Variants in INSRR observed in about 807,000 individuals in gnomAD.
INSRR encodes the protein insulin receptor related receptor.
Under a neutral mutation model 130.0 loss-of-function variants are expected in INSRR, and 114 were observed. The ratio of observed to expected loss-of-function variants is 0.88; its 90% confidence interval spans 0.75 to 1.02. The LOEUF is 1.02. Ranked by LOEUF, INSRR falls within the 50% of genes least tolerant of loss-of-function variation. The probability of loss-of-function intolerance (pLI) is 0.00; values close to 1 mark genes in which losing one functional copy is unlikely to be tolerated. For synonymous variants in INSRR, 674 were observed against 705.2 expected (o/e 0.96, Z 0.70); for missense variants, 1,657 against 1,735.2 (o/e 0.95, Z 0.80).
chr1:156,843,498 G>A lies in INSRR; in HGVS notation c.2844-19C>T, dbSNP rs777063020. 6.2e-7 allele frequency: 1 copy of A among 1,613,844 alleles called. No homozygotes were observed. The highest frequency in any genetic ancestry group is 1.1e-5 in the South Asian group (1 of 91,076). On this transcript the variant is annotated intron_variant, in intron 15 of 21. Transcript: ENST00000368195. Reference sequence around the variant, plus strand: ...TCTGTTTCTGCAACGGGAGGTGAGGGGGTCAGGCTGGAAGGGTTCTCAGGA... The same window carrying A: ...TCTGTTTCTGCAACGGGAGGTGAGGAGGTCAGGCTGGAAGGGTTCTCAGGA...
chr1:156,853,086 T>C (rs1187931108), intron 2 of INSRR, among the ~76,000 whole-genome samples: 1 of 152,170 alleles, frequency 6.6e-6, no homozygotes, highest in Admixed American at 6.5e-5. Flanking sequence ...CTTTCTCTAC[T>C]GCTTTTTTCC....
rs2102869987 is a variant in INSRR, at chr1:156,854,036, A to G, written c.353T>C (p.Phe118Ser). ...CACGTCACGCAGATGTGGCATCTCA[A>G]AGATGACCAGTGCATAGCCCAGGAA... ...RLFLGYALVI[F>S]EMPHLRDVAL... Residue 118 changes from phenylalanine (F) to serine (S), a missense_variant, in exon 2 of 22, where the codon TTT (phenylalanine) becomes TCT (serine). Phe to Ser is a radical substitution (Grantham distance 155). Transcript: ENST00000368195. The surrounding 1 kb of genome is among the most constrained non-coding windows in gnomAD (Gnocchi z 4.2). 1 of 1,614,102 alleles carries G rather than the reference A, an allele frequency of 6.2e-7. No homozygotes were observed. The highest frequency in any genetic ancestry group is 8.5e-7 in the Non-Finnish European group (1 of 1,180,016).
In INSRR at chr1:156,858,713, G is replaced by C. The variant is rs1655500787; in HGVS notation, c.-92C>G. The C allele has an allele frequency of 9.3e-7, 1 of 1,074,230 alleles. No homozygotes were observed. Among genetic ancestry groups the C allele is most frequent in the Non-Finnish European group, 1.4e-6 (1 of 693,936 alleles). 66.5% of individuals were successfully genotyped at this position (1,074,230 alleles called of 1,614,324 possible). On this transcript the variant is annotated 5_prime_UTR_variant, in exon 1 of 22. Transcript: ENST00000368195. ...TAAGCCCTAAGGGACACAGAGACCA[G>C]GGTTCAGATAGGAGAGGGAGGGCAG...
rs964356412 is a variant in INSRR, at chr1:156,841,650, C to T, written c.3527+15G>A. 6.2e-7 allele frequency: 1 copy of T among 1,612,934 alleles called. No individual in the cohort carries two copies. The highest frequency in any genetic ancestry group is 1.1e-5 in the South Asian group (1 of 91,038). On this transcript the variant is annotated intron_variant, in intron 20 of 21. Transcript: ENST00000368195. ...CTCCACATCCCTGGAGCCCTGTGCT[C>T]CAGCTCGGCCCCACCAGACATCCGA...
In INSRR at chr1:156,840,848, G is replaced by A. The variant is rs770498555; in HGVS notation, c.*25C>T. 1.3e-6 allele frequency: 2 copies of A among 1,565,124 alleles called. No individual in the cohort carries two copies. Among genetic ancestry groups the A allele is most frequent in the Non-Finnish European group, 8.8e-7 (1 of 1,139,038 alleles). On this transcript the variant is annotated 3_prime_UTR_variant, in exon 22 of 22. Coordinates refer to ENST00000368195, the MANE Select transcript of INSRR (RefSeq NM_014215.3). ...GGTCCCTTCCTGTCTCCCCATGGGA[G>A]GCCAGCCAGGGAATGAGGTGCCCCT... is the stretch of plus-strand genomic sequence containing the variant.
In INSRR at chr1:156,851,702, T is replaced by C. The variant is rs759782884; in HGVS notation, c.1028A>G (p.Asp343Gly). 6.2e-7 allele frequency: 1 copy of C among 1,614,172 alleles called. No homozygotes were observed. Among genetic ancestry groups the C allele is most frequent in the Non-Finnish European group, 8.5e-7 (1 of 1,180,000 alleles). Residue 343 changes from aspartate (D) to glycine (G), a missense_variant, in exon 4 of 22, where the codon GAT (aspartate) becomes GGT (glycine). Physicochemically the swap from Asp to Gly is moderately conservative, Grantham distance 94 (BLOSUM62 -1). Coordinates refer to ENST00000368195, the MANE Select transcript of INSRR (RefSeq NM_014215.3). ...KTIDSIQAAQ[D>G]LVGCTHVEGS... is the part of the protein sequence containing the mutation. ...CTCCACATGCGTGCAGCCCACAAGA[T>C]CCTGTGCCGCCTGGATGGAGTCGAT...
At position 156,845,846 on chromosome 1, in the gene INSRR, C is replaced by A. The variant is rs781637895; in HGVS notation, c.1979-32G>T. 11 of 1,596,216 alleles carry A rather than the reference C, an allele frequency of 6.9e-6. No homozygotes were observed. The Admixed American group carries it at 1.9e-4, about 28-fold the overall frequency. On this transcript the variant is annotated intron_variant, in intron 9 of 21. Transcript: ENST00000368195. ...CCGCAGCGGGAAGACACTAGTAAGA[C>A]AGGCGGTCTACCCGCCTCTGATCCC...
chr1:156,854,689 T>C lies in INSRR; in HGVS notation c.86-386A>G, dbSNP rs1655347538. On this transcript the variant is annotated intron_variant, in intron 1 of 21. Transcript: ENST00000368195. This position sits in a 1 kb window ranked among gnomAD's most constrained non-coding sequence, Gnocchi z 4.2. Reference sequence around the variant, plus strand: ...GTCCTGTGGGTTTATCTTTAAAATATGTCCAGGATCTGAACTGCTTGTCAA... The same window carrying C: ...GTCCTGTGGGTTTATCTTTAAAATACGTCCAGGATCTGAACTGCTTGTCAA... 6.6e-6 allele frequency among the ~76,000 whole-genome samples: 1 copy of C among 152,202 alleles called. No individual in the cohort carries two copies. Among genetic ancestry groups the C allele is most frequent in the African/African-American group, 2.4e-5 (1 of 41,448 alleles).
At chr1:156,851,514 C>G in intron 4 of INSRR, 80 bp from the exon 5 acceptor site, 1 of 1,602,682 alleles carries the variant, frequency 6.2e-7, no homozygotes, top group South Asian at 1.1e-5. Context: ...ATGGGGGCCC[C>G]GGGAAGGTGG....
chr1:156,841,827 G>C, intron 19 of INSRR, 33 bp from the exon 20 acceptor site: 3 of 1,614,030 alleles, frequency 1.9e-6, no homozygotes, highest in Non-Finnish European at 2.5e-6. Context: ...GAGGAGGTGT[G>C]GGGCATAAGA....
chr1:156,850,444 G>A (rs908017939), intron 5 of INSRR, among the ~76,000 whole-genome samples: 2 of 147,870 alleles, frequency 1.4e-5, no homozygotes, highest in African/African-American at 2.5e-5. Context: ...ACTCCTGACC[G>A]CATGGTGATC....
intron 2 of INSRR, among the ~76,000 whole-genome samples, chr1:156,852,969 T>C (rs1365282198): frequency 6.6e-6 from 1 of 152,042 alleles, no homozygotes; most frequent in Non-Finnish European, 1.5e-5. Context: ...GACCACCAGG[T>C]TGGGGGACCC....
intron 1 of INSRR, among the ~76,000 whole-genome samples, chr1:156,857,521 C>T (rs1655452558): frequency 6.6e-6 from 1 of 152,200 alleles, no homozygotes; most frequent in South Asian, 2.1e-4. Context: ...GGATGTGCTC[C>T]TGTCCTGACA....
intron 2 of INSRR, 36 bp from the exon 3 acceptor site, chr1:156,852,227 C>A: frequency 6.5e-7 from 1 of 1,540,114 alleles, no homozygotes; most frequent in Non-Finnish European, 8.8e-7. Context: ...GTTGGCCATG[C>A]CCCCTCAGTC....
chr1:156,852,146 C>T lies in INSRR; in HGVS notation c.683G>A (p.Cys228Tyr). The change falls in exon 3 of 22, where the codon TGC (cysteine) becomes TAC (tyrosine). Residue 228 changes from cysteine (C) to tyrosine (Y), a missense_variant. By Grantham distance (194) the Cys-to-Tyr change is radical. Coordinates refer to ENST00000368195, the MANE Select transcript of INSRR (RefSeq NM_014215.3). ...GCCCCCCAGGCATTCGGTGTGGCAG[C>T]ACTCGCCCCTCGCTGTGCAAGCCAT... ...HGMACTARGE[C>Y]CHTECLGGCS... 1 of 1,611,548 alleles carries T rather than the reference C, an allele frequency of 6.2e-7. No homozygotes were observed.
chr1:156,844,344 TTC>T (rs2102856419), intron 14 of INSRR, 64 bp from the exon 15 acceptor site: 1 of 1,561,566 alleles, frequency 6.4e-7, no homozygotes, highest in Admixed American at 1.7e-5. Context: ...AAGGTCATGC[TTC>T]TCTTTCCATG....
At position 156,840,427 on chromosome 1, in the gene INSRR, G is replaced by GGCCCCCC; in HGVS notation, c.*445_*446insGGGGGGC. On this transcript the variant is annotated 3_prime_UTR_variant, in exon 22 of 22. Coordinates refer to ENST00000368195, the MANE Select transcript of INSRR (RefSeq NM_014215.3). ...CAGTGGCAAGCAAGGCAGTCATGTG[G>GGCCCCCC]AGCCCCACCCCCCTCCCATACATGC... 6.1e-6 allele frequency: 1 copy of GGCCCCCC among 163,136 alleles called. No individual in the cohort carries two copies. The highest frequency in any genetic ancestry group is 1.3e-5 in the Non-Finnish European group (1 of 74,858). 10.1% of individuals were successfully genotyped at this position (163,136 alleles called of 1,614,324 possible).
chr1:156,855,549 G>T (rs1264798206), intron 1 of INSRR, among the ~76,000 whole-genome samples: 1 of 152,130 alleles, frequency 6.6e-6, no homozygotes, highest in East Asian at 1.9e-4. Flanking sequence ...CTGGCTGGGT[G>T]CAGTGGCTCA....
rs974057880 is a variant in INSRR at position 156,842,278 on chromosome 1, C to A, written c.3238-7G>T. The A allele has an allele frequency of 4.3e-6, 7 of 1,613,860 alleles. No homozygotes were observed. In the South Asian group the frequency reaches 7.7e-5, roughly 18 times the overall value. On this transcript the variant is annotated splice_region_variant and splice_polypyrimidine_tract_variant and intron_variant, in intron 18 of 21. Transcript: ENST00000368195. ...GTGGGAGCCCAGGGTTGTTCTAGAGCCAAGATTGGGGGCTGGTGAGGAAGG... is the reference window on the plus strand; with the variant it reads ...GTGGGAGCCCAGGGTTGTTCTAGAGACAAGATTGGGGGCTGGTGAGGAAGG...
Sources: allele counts gnomAD v4.1 joint callset (sites outside exome capture counted in the v4.1 genomes callset), GRCh38; gene constraint gnomAD v4.1.1; non-coding constraint Gnocchi (gnomAD v3.1); transcripts MANE v1.5; gene names NCBI Gene and HGNC (gene_info 2026-07-23, HGNC 2026-07-21).